The following PSD variants were observed in gnomAD, a reference collection of about 807,000 sequenced individuals.
PSD encodes the protein pleckstrin and Sec7 domain containing.
Under a neutral mutation model 91.6 loss-of-function variants are expected in PSD, and 32 were observed. The ratio of observed to expected loss-of-function variants is 0.35; its 90% confidence interval spans 0.26 to 0.47. PSD has a LOEUF of 0.47. PSD is among the 20% of genes least tolerant of loss of function. PSD has a pLI of 1.00. For synonymous variants in PSD, 532 were observed against 569.3 expected (o/e 0.93, Z 0.93); for missense variants, 1,099 against 1,373.9 (o/e 0.80, Z 3.16).
chr10:102,403,861 T>G lies in PSD; in HGVS notation c.2825A>C (p.Glu942Ala), dbSNP rs746446275. The G allele has an allele frequency of 1.9e-6, 3 of 1,611,106 alleles. No individual in the cohort carries two copies. The highest frequency in any genetic ancestry group is 2.7e-5 in the African/African-American group (2 of 74,888). ...GCTCACCTCAAACTCCAGGTAGGCC[T>G]CCTTCTGCCGCTGCTCTTCAGCCTC... ...GKEAEEQRQK[E>A]AYLEFEKSRY... The change falls in exon 16 of 17, where the codon GAG becomes GCG. Residue 942 changes from glutamate to alanine, a missense_variant. Physicochemically the swap from Glu to Ala is moderately radical, Grantham distance 107. Transcript: ENST00000020673. The surrounding 1 kb of genome is among the most constrained non-coding windows in gnomAD (Gnocchi z 6.7).
Position 102,404,923 on chromosome 10 carries a change from A to T in PSD, c.2530T>A (p.Trp844Arg). The change falls in exon 14 of 17, where the codon TGG becomes AGG. Residue 844 changes from tryptophan to arginine, a missense_variant. Trp to Arg is a moderately radical substitution (Grantham distance 101, BLOSUM62 -3). Around this residue, in one of 3 missense-constraint regions of PSD, gnomAD observed 358 missense variants for 426.5 expected, o/e 0.84. Transcript: ENST00000020673. This position sits in a 1 kb window ranked among gnomAD's most constrained non-coding sequence, Gnocchi z 5.7. ...PHVFYLRTAD[W>R]RVFLFQAPSL... ...GGGGCCTGGAAGAGGAAGACCCGCC[A>T]GTCAGCTGTGCGCAGGTAGAAGACG... 1 of 1,613,922 alleles carries T rather than the reference A, an allele frequency of 6.2e-7. No individual in the cohort carries two copies.
At chr10:102,415,338 C>T (rs2061466988) in intron 3 of PSD, 109 bp from the exon 4 acceptor site, 2 of 1,315,644 alleles carry the variant, frequency 1.5e-6, no homozygotes, top group Non-Finnish European at 2.0e-6. Flanking sequence ...GAAGTTCTTT[C>T]ACTGTCTAGC....
In PSD at chr10:102,415,125, G is replaced by T. The variant is rs766327451; in HGVS notation, c.862C>A (p.Leu288Met). Residue 288 changes from leucine to methionine, a missense_variant, in exon 4 of 17, where the codon CTG becomes ATG. Leu to Met is a conservative substitution (Grantham distance 15, BLOSUM62 2). Coordinates refer to ENST00000020673, the MANE Select transcript of PSD (RefSeq NM_002779.5). ...TAGCACCTCAGGGGCACCGTGTCCA[G>T]GTCTGTCTCGGAGTACTTGGCTGCT... ...GRAAKYSETD[L>M]DTVPLRCYRE... is the part of the protein sequence containing the mutation. 1.2e-6 allele frequency: 2 copies of T among 1,613,812 alleles called. No individual in the cohort carries two copies. The highest frequency in any genetic ancestry group is 1.7e-6 in the Non-Finnish European group (2 of 1,180,022).
chr10:102,412,994 C>T (rs1392030411), intron 5 of PSD, among the ~76,000 whole-genome samples: 1 of 152,202 alleles, frequency 6.6e-6, no homozygotes, highest in Admixed American at 6.5e-5. Context: ...TTGAGGGCAG[C>T]AGGGATACTG....
At position 102,413,864 on chromosome 10, in the gene PSD, C is replaced by T. The variant is rs369189763; in HGVS notation, c.1458G>A (p.Glu486=). Residue 486 remains glutamate (E), a synonymous_variant, in exon 5 of 17, where the codon GAG becomes GAA. Coordinates refer to ENST00000020673, the MANE Select transcript of PSD (RefSeq NM_002779.5). ...GPWTQRGEEE[E]AEARAKLAPG... ...GGGCCAGCTTGGCTCTGGCCTCTGC[C>T]TCCTCCTCCTCCCCTCTCTGTGTCC... 62 of 1,613,776 alleles carry T rather than the reference C, an allele frequency of 3.8e-5. No individual in the cohort carries two copies. The highest frequency in any genetic ancestry group is 1.5e-4 in the Admixed American group (9 of 60,026).
In PSD at chr10:102,414,830, TCTCCCACTTCCCC is replaced by T. The variant is rs780270442; in HGVS notation, c.1124+20_1124+32del. The stretch of plus-strand genomic sequence containing the variant: ...AGTGCGAAGGAGCAAGCCGCTTCCC[TCTCCCACTTCCCC>T]CTCCCACTTCCCCACTCACCGGGCC... On this transcript the variant is annotated intron_variant, in intron 4 of 16. Coordinates refer to ENST00000020673, the MANE Select transcript of PSD (RefSeq NM_002779.5). This position sits in a 1 kb window ranked among gnomAD's most constrained non-coding sequence, Gnocchi z 5.6. 16 of 1,486,236 alleles carry T rather than the reference TCTCCCACTTCCCC, an allele frequency of 1.1e-5. No homozygotes were observed. The highest frequency in any genetic ancestry group is 7.0e-5 in the African/African-American group (5 of 71,460). 92.1% of individuals were successfully genotyped at this position (1,486,236 alleles called of 1,614,324 possible). A position where few individuals can be genotyped will look rare whatever the true frequency, so the allele number is the denominator to read the frequency against.
Position 102,414,999 on chromosome 10 carries a change from G to A in PSD, c.988C>T (p.Pro330Ser). 1 of 1,607,164 alleles carries A rather than the reference G, an allele frequency of 6.2e-7. No individual in the cohort carries two copies. Among genetic ancestry groups the A allele is most frequent in the Non-Finnish European group, 8.5e-7 (1 of 1,175,044 alleles). The change falls in exon 4 of 17, where the codon CCA (proline) becomes TCA (serine). Residue 330 changes from proline (P) to serine (S), a missense_variant. Around this residue, in one of 3 missense-constraint regions of PSD, gnomAD observed 631 missense variants for 728.8 expected, o/e 0.87. Coordinates refer to ENST00000020673, the MANE Select transcript of PSD (RefSeq NM_002779.5). The surrounding 1 kb of genome is among the most constrained non-coding windows in gnomAD (Gnocchi z 5.6). ...AGTGGGCCGGGCCGTGGGGCAGGTG[G>A]GTAGGCAGTGCCTGGTGGGCCCTCA... ...SSEGPPGTAYPPAPRPGPLPG... is the reference protein window; with the variant it reads ...SSEGPPGTAYSPAPRPGPLPG...
Position 102,405,597 on chromosome 10 carries a change from T to A in PSD, c.2136-61A>T. On this transcript the variant is annotated intron_variant, in intron 11 of 16. Transcript: ENST00000020673. The surrounding 1 kb of genome is among the most constrained non-coding windows in gnomAD (Gnocchi z 5.4). ...GGAGCCGCGGCCCCCGCTTCAGTTCTGGCCTCTGCTCGCCCTGGAAAAGCT... is the reference window on the plus strand; with the variant it reads ...GGAGCCGCGGCCCCCGCTTCAGTTCAGGCCTCTGCTCGCCCTGGAAAAGCT... The A allele has an allele frequency of 6.0e-6, 9 of 1,502,232 alleles. No individual in the cohort carries two copies. The highest frequency in any genetic ancestry group is 8.1e-6 in the Non-Finnish European group (9 of 1,110,598). 93.1% of individuals were successfully genotyped at this position (1,502,232 alleles called of 1,614,324 possible).
At chr10:102,407,175 C>G (rs1314574614) in intron 11 of PSD, 48 bp downstream of exon 11, 3 of 1,561,480 alleles carry the variant, frequency 1.9e-6, no homozygotes, top group Non-Finnish European at 2.6e-6. Context: ...CCAGGCAGCC[C>G]CTTCCCCATG....
Position 102,405,562 on chromosome 10 carries a change from G to T in PSD, c.2136-26C>A. 1 of 1,586,030 alleles carries T rather than the reference G, an allele frequency of 6.3e-7. No homozygotes were observed. ...CTGCAGGTGTGATCACCTCAGAGGG[G>T]GCTGGCCATGGAGCCGCGGCCCCCG... is the stretch of plus-strand genomic sequence containing the variant. On this transcript the variant is annotated intron_variant, in intron 11 of 16. Coordinates refer to ENST00000020673, the MANE Select transcript of PSD (RefSeq NM_002779.5). The surrounding 1 kb of genome is among the most constrained non-coding windows in gnomAD (Gnocchi z 5.4).
In PSD at chr10:102,412,358, C is replaced by T. The variant is rs751553899; in HGVS notation, c.1748+23G>A. 7.4e-6 allele frequency: 12 copies of T among 1,612,164 alleles called. 1 individual carries two copies. In the Middle Eastern group the frequency reaches 5.0e-4, roughly 67 times the overall value. On this transcript the variant is annotated intron_variant, in intron 6 of 16. Transcript: ENST00000020673. ...GATGCATTCCCTCTGCCCCCATCCT[C>T]AGTCCCAGCCTAGTGGCTTTACTTC... is the stretch of plus-strand genomic sequence containing the variant.
chr10:102,405,149 G>A lies in PSD; in HGVS notation c.2397+34C>T, dbSNP rs767808660. Reference sequence around the variant, plus strand: ...CACCCCACACCCACCAGCCAACTCAGTCCCAGCCCCAGCCCCCTGGCCTGA... The same window carrying A: ...CACCCCACACCCACCAGCCAACTCAATCCCAGCCCCAGCCCCCTGGCCTGA... On this transcript the variant is annotated intron_variant, in intron 13 of 16. Coordinates refer to ENST00000020673, the MANE Select transcript of PSD (RefSeq NM_002779.5). This position sits in a 1 kb window ranked among gnomAD's most constrained non-coding sequence, Gnocchi z 5.4. The A allele has an allele frequency of 3.1e-6, 5 of 1,610,256 alleles. No homozygotes were observed. The highest frequency in any genetic ancestry group is 2.2e-5 in the East Asian group (1 of 44,836).
Position 102,416,388 on chromosome 10 carries a change from G to A in PSD, c.651C>T (p.Asn217=), listed in dbSNP as rs1403999387. The part of the protein sequence containing the change: ...FGGPADTGFL[N]QGDTWSSPRE... ...GAGCCCAGGGGAAGTTGCATACCTG[G>A]TTCAGGAATCCAGTGTCAGCAGGTC... The change falls in exon 2 of 17, where the codon AAC becomes AAT. Residue 217 remains asparagine, a synonymous_variant. Transcript: ENST00000020673. This position sits in a 1 kb window ranked among gnomAD's most constrained non-coding sequence, Gnocchi z 6.0. 1 of 1,597,518 alleles carries A rather than the reference G, an allele frequency of 6.3e-7. No individual in the cohort carries two copies. Among genetic ancestry groups the A allele is most frequent in the South Asian group, 1.1e-5 (1 of 88,238 alleles).
intron 10 of PSD, chr10:102,408,849 C>G (rs924074618): frequency 1.0e-6 from 1 of 983,744 alleles, no homozygotes; most frequent in East Asian, 1.1e-4. Context: ...GCCGCCCCCT[C>G]GGTCGCCCCG....
At position 102,414,088 on chromosome 10, in the gene PSD, A is replaced by T; in HGVS notation, c.1234T>A (p.Ser412Thr). Residue 412 changes from serine (S) to threonine (T), a missense_variant, in exon 5 of 17, where the codon TCA becomes ACA. Around this residue, in one of 3 missense-constraint regions of PSD, gnomAD observed 631 missense variants for 728.8 expected, o/e 0.87. Transcript: ENST00000020673. This position sits in a 1 kb window ranked among gnomAD's most constrained non-coding sequence, Gnocchi z 5.6. ...TAGGAGGTGCCTTTGGCCCGGTGTG[A>T]CTCCAGGATGGCTTCGAACACACAA... Reference protein sequence around the residue: ...FSCVFEAILESHRAKGTSYTS... With the variant: ...FSCVFEAILETHRAKGTSYTS... The T allele has an allele frequency of 6.2e-7, 1 of 1,613,884 alleles. No homozygotes were observed. Among genetic ancestry groups the T allele is most frequent in the Non-Finnish European group, 8.5e-7 (1 of 1,179,922 alleles).
rs1184124642 is a variant in PSD, at chr10:102,403,742, C to T, written c.2844+100G>A. 4.8e-6 allele frequency: 7 copies of T among 1,445,846 alleles called. No homozygotes were observed. The highest frequency in any genetic ancestry group is 6.5e-6 in the Non-Finnish European group (7 of 1,084,924). The allele number at this position is 1,445,846 out of a possible 1,614,324, so 89.6% of individuals were successfully genotyped here. On this transcript the variant is annotated intron_variant, in intron 16 of 16. Coordinates refer to ENST00000020673, the MANE Select transcript of PSD (RefSeq NM_002779.5). The surrounding 1 kb of genome is among the most constrained non-coding windows in gnomAD (Gnocchi z 6.7). ...GAAACTGAGGCTTAGGTTAAGCAAC[C>T]TGCCCAAGGACCTCCGGCCGGTTCC... is the stretch of plus-strand genomic sequence containing the variant.
At position 102,416,132 on chromosome 10, in the gene PSD, G is replaced by C. The variant is rs752350596; in HGVS notation, c.655-13C>G. 6.3e-7 allele frequency: 1 copy of C among 1,581,762 alleles called. No homozygotes were observed. Among genetic ancestry groups the C allele is most frequent in the Non-Finnish European group, 8.7e-7 (1 of 1,152,952 alleles). On this transcript the variant is annotated splice_polypyrimidine_tract_variant and intron_variant, in intron 2 of 16. Coordinates refer to ENST00000020673, the MANE Select transcript of PSD (RefSeq NM_002779.5). This position sits in a 1 kb window ranked among gnomAD's most constrained non-coding sequence, Gnocchi z 6.0. ...ACCAGGTATCCCCCTGAGCCAACGA[G>C]GGAGACACAGGCACCCAGAGATAAA... is the stretch of plus-strand genomic sequence containing the variant.
chr10:102,403,396 C>A lies in PSD; in HGVS notation c.2879G>T (p.Arg960Leu), dbSNP rs148732359. Reference sequence around the variant, plus strand: ...CTCACTGCCTGCCTTCAGCTTGACCCGAAGCAGCGCTGCATAGGTGCTGTA... The same window carrying A: ...CTCACTGCCTGCCTTCAGCTTGACCAGAAGCAGCGCTGCATAGGTGCTGTA... The part of the protein sequence containing the change: ...SRYSTYAALL[R>L]VKLKAGSEEL... Residue 960 changes from arginine (R) to leucine (L), a missense_variant, in exon 17 of 17, where the codon CGG becomes CTG. Physicochemically the swap from Arg to Leu is moderately radical, Grantham distance 102. This residue lies in a region of PSD where 358 missense variants were observed against 426.5 expected (regional missense o/e 0.84). Coordinates refer to ENST00000020673, the MANE Select transcript of PSD (RefSeq NM_002779.5). The surrounding 1 kb of genome is among the most constrained non-coding windows in gnomAD (Gnocchi z 6.7). 6.2e-7 allele frequency: 1 copy of A among 1,613,002 alleles called. No homozygotes were observed. The highest frequency in any genetic ancestry group is 8.5e-7 in the Non-Finnish European group (1 of 1,179,956).
At chr10:102,415,650 G>C in intron 3 of PSD, among the ~76,000 whole-genome samples, 1 of 152,112 alleles carries the variant, frequency 6.6e-6, no homozygotes, top group South Asian at 2.1e-4. Context: ...TAAATTTTTG[G>C]TAGAGACTTG....
Sources: allele counts gnomAD v4.1 joint callset (sites outside exome capture counted in the v4.1 genomes callset), GRCh38; gene constraint gnomAD v4.1.1; regional missense constraint gnomAD v4.1.1; non-coding constraint Gnocchi (gnomAD v3.1); transcripts MANE v1.5; gene names NCBI Gene and HGNC (gene_info 2026-07-23, HGNC 2026-07-21).